CALN1: variants seen among roughly 807,000 people sequenced by gnomAD.
CALN1 encodes calneuron 1, also known as calcium-binding protein 8.
CALN1 carries 17 observed loss-of-function variants against 30.6 expected under a neutral mutation model. The ratio of observed to expected loss-of-function variants is 0.56; its 90% CI spans 0.38 to 0.83. The LOEUF (loss-of-function observed/expected upper bound fraction) is 0.83. Ranked by LOEUF, CALN1 falls within the 40% of genes least tolerant of loss-of-function variation. The pLI is 0.00. For synonymous variants in CALN1, 156 were observed against 131.4 expected (o/e 1.19, Z -1.28); for missense variants, 291 against 354.9 (o/e 0.82, Z 1.45).
chr7:72,387,419 A>G (rs1009403580), intron 2 of CALN1, among the ~76,000 whole-genome samples: 3 of 152,164 alleles, frequency 2.0e-5, no homozygotes, highest in Non-Finnish European at 2.9e-5. Context: ...ACTTTCTCCC[A>G]AAGGATACAG....
At chr7:71,955,156 G>T (rs1428532633) in intron 5 of CALN1, among the ~76,000 whole-genome samples, 1 of 152,132 alleles carries the variant, frequency 6.6e-6, no homozygotes, top group Non-Finnish European at 1.5e-5. Context: ...GTACATGGCG[G>T]CAGGCAGGAG....
At chr7:72,356,755 A>G (rs902405589) in intron 2 of CALN1, among the ~76,000 whole-genome samples, 1 of 152,166 alleles carries the variant, frequency 6.6e-6, no homozygotes, top group South Asian at 2.1e-4. Flanking sequence ...AACGCAAATT[A>G]CAACATAAGA....
chr7:72,280,737 A>G (rs774406512), intron 2 of CALN1, among the ~76,000 whole-genome samples: 2 of 152,188 alleles, frequency 1.3e-5, no homozygotes, highest in Non-Finnish European at 2.9e-5. Context: ...TTAATCCCCA[A>G]TGCAACAGTG....
chr7:71,866,299 G>C (rs1299118566), intron 5 of CALN1, among the ~76,000 whole-genome samples: 1 of 151,860 alleles, frequency 6.6e-6, no homozygotes, highest in African/African-American at 2.4e-5. Context: ...GAGGCACCGC[G>C]CCCAGCCAAT....
intron 5 of CALN1, among the ~76,000 whole-genome samples, chr7:71,972,201 T>C (rs1797882752): frequency 6.6e-6 from 1 of 152,144 alleles, no homozygotes; most frequent in Non-Finnish European, 1.5e-5. Context: ...CCTTCAGCCT[T>C]CTAGGGGTCC....
At chr7:72,337,981 A>C (rs1398253396) in intron 2 of CALN1, among the ~76,000 whole-genome samples, 1 of 152,220 alleles carries the variant, frequency 6.6e-6, no homozygotes, top group Non-Finnish European at 1.5e-5. Context: ...TCTCAAGGGC[A>C]ACGCATGTGC....
Position 72,402,842 on chromosome 7 carries a change from C to T in CALN1, c.119+409G>A, listed in dbSNP as rs117390568. ...TTTGGCTGTGATCTCAGTCAAGCTG[C>T]CTGTTTGTGTTACTTTCCTCCTGTC... On this transcript the variant is annotated intron_variant, in intron 2 of 6. Transcript: ENST00000395275. 3.9e-4 allele frequency among the ~76,000 whole-genome samples: 60 copies of T among 152,284 alleles called. No homozygotes were observed. The East Asian group carries it at 0.011, about 29-fold the overall frequency.
At chr7:71,846,672 G>C (rs969592188) in intron 5 of CALN1, among the ~76,000 whole-genome samples, 1 of 149,802 alleles carries the variant, frequency 6.7e-6, no homozygotes, top group African/African-American at 2.5e-5. Flanking sequence ...TATTCTGTGG[G>C]GTTTTATTTA....
chr7:72,081,417 G>GTGTGTGTGTGTGTGTGTGTCTGTC (rs145997789), intron 4 of CALN1, among the ~76,000 whole-genome samples: 213 of 146,288 alleles, frequency 1.5e-3, no homozygotes, highest in Non-Finnish European at 2.3e-3. Flanking sequence ...GTGTGTGTGT[G>GTGTGTGTGTGTGTGTGTGTCTGTC]TGTGTGTTTG....
At chr7:72,094,556 G>A (rs1232977794) in intron 4 of CALN1, among the ~76,000 whole-genome samples, 2 of 152,086 alleles carry the variant, frequency 1.3e-5, no homozygotes, top group African/African-American at 2.4e-5. Context: ...GCCTGGCCCA[G>A]AATTTTTTTT....
intron 2 of CALN1, 21 bp downstream of exon 2, chr7:72,403,230 G>A (rs1806459026): frequency 1.3e-6 from 2 of 1,540,816 alleles, no homozygotes; most frequent in East Asian, 2.4e-5. Flanking sequence ...AGGTCCTTGG[G>A]TTTGGGGGAA....
At chr7:71,871,055 A>G (rs1791895470) in intron 5 of CALN1, among the ~76,000 whole-genome samples, 1 of 152,210 alleles carries the variant, frequency 6.6e-6, no homozygotes, top group African/African-American at 2.4e-5. Context: ...AAAAAAAAGA[A>G]AAAAGAAAAA....
intron 5 of CALN1, among the ~76,000 whole-genome samples, chr7:71,943,343 C>T (rs1266488113): frequency 2.0e-5 from 3 of 152,142 alleles, no homozygotes; most frequent in Non-Finnish European, 4.4e-5. Flanking sequence ...AGCCTGGATT[C>T]GAGTCCTCAC....
chr7:72,302,908 A>C (rs1376653787), intron 2 of CALN1, among the ~76,000 whole-genome samples: 1 of 150,240 alleles, frequency 6.7e-6, no homozygotes, highest in African/African-American at 2.4e-5. Context: ...AAAAAAAAAA[A>C]AAAAAAAAAC....
intron 3 of CALN1, among the ~76,000 whole-genome samples, chr7:72,149,773 G>C (rs1475284962): frequency 6.6e-6 from 1 of 152,036 alleles, no homozygotes; most frequent in African/African-American, 2.4e-5. Context: ...TTGGCTTCTT[G>C]CACATGGGCA....
At chr7:72,348,097 G>C (rs1294797393) in intron 2 of CALN1, among the ~76,000 whole-genome samples, 1 of 152,118 alleles carries the variant, frequency 6.6e-6, no homozygotes, top group African/African-American at 2.4e-5. Flanking sequence ...CTCCAGCCTG[G>C]ACAACAGAGC....
At chr7:71,936,935 G>A (rs1311495489) in intron 5 of CALN1, among the ~76,000 whole-genome samples, 3 of 151,950 alleles carry the variant, frequency 2.0e-5, no homozygotes, top group Admixed American at 6.6e-5. Context: ...TTCTCTTGCT[G>A]CCACCATATA....
chr7:71,837,979 T>C lies in CALN1; in HGVS notation c.502-27487A>G, dbSNP rs192800453. Among the ~76,000 whole-genome samples the C allele has an allele frequency of 4.0e-3, 603 of 152,272 alleles. 2 individuals are homozygous for C. The highest frequency in any genetic ancestry group is 6.1e-3 in the Admixed American group (93 of 15,288). On this transcript the variant is annotated intron_variant, in intron 5 of 6. Coordinates refer to ENST00000395275, the MANE Select transcript of CALN1 (RefSeq NM_031468.4). ...TTTATTATTTAAATGGGGGCAGAGT[T>C]CTTATTTAATTACACTGATTAGTAG...
intron 4 of CALN1, among the ~76,000 whole-genome samples, chr7:72,075,968 G>A (rs761289706): frequency 2.6e-5 from 4 of 152,138 alleles, no homozygotes; most frequent in Non-Finnish European, 4.4e-5. Flanking sequence ...GGGAGAGGGG[G>A]TGTCAGGAGG....
Sources: allele counts gnomAD v4.1 joint callset (sites outside exome capture counted in the v4.1 genomes callset), GRCh38; gene constraint gnomAD v4.1.1; transcripts MANE v1.5; gene names NCBI Gene and HGNC (gene_info 2026-07-23, HGNC 2026-07-21).